The following SRGAP3 variants were observed in gnomAD, a reference collection of about 807,000 sequenced individuals.
SRGAP3 encodes SLIT-ROBO Rho GTPase-activating protein 3.
SRGAP3 carries 39 observed loss-of-function variants against 121.1 expected under a neutral mutation model. That is an observed-to-expected ratio of 0.32 (90% CI 0.25 to 0.42). SRGAP3 has a LOEUF of 0.42. Among genes scored for constraint, SRGAP3 ranks in the 10% least tolerant of loss-of-function variants. The pLI is 1.00. For synonymous variants in SRGAP3, 601 were observed against 570.0 expected (o/e 1.05, Z -0.77); for missense variants, 1,213 against 1,470.6 (o/e 0.82, Z 2.86).
chr3:9,008,818 T>C (rs1035583638), intron 18 of SRGAP3, among the ~76,000 whole-genome samples: 5 of 152,138 alleles, frequency 3.3e-5, no homozygotes, highest in African/African-American at 4.8e-5. Context: ...GACTGGATCA[T>C]GACTGGGTGC....
At position 8,993,051 on chromosome 3, in the gene SRGAP3, C is replaced by T; in HGVS notation, c.2413G>A (p.Asp805Asn). The change falls in exon 20 of 22, where the codon GAT becomes AAT. Residue 805 changes from aspartate to asparagine, a missense_variant. By Grantham distance (23) the Asp-to-Asn change is conservative. Around this residue, in one of 2 missense-constraint regions of SRGAP3, gnomAD observed 420 missense variants for 437.7 expected, o/e 0.96. Transcript: ENST00000383836. ...TGGCTCAGGCTGTCGGAGAAGGCAT[C>T]ATCCCTGGGGAGAAGACAGACATGA... ...HQYIVVQDMD[D>N]AFSDSLSQKA... 1 of 1,614,056 alleles carries T rather than the reference C, an allele frequency of 6.2e-7. No individual in the cohort carries two copies.
chr3:9,349,101 A>G, intron 1 of SRGAP3: 1 of 887,814 alleles, frequency 1.1e-6, no homozygotes, highest in Non-Finnish European at 1.9e-6. Flanking sequence ...GAATTGGACA[A>G]GAACTTGAAA....
intron 1 of SRGAP3, among the ~76,000 whole-genome samples, chr3:9,132,220 C>T (rs1351469799): frequency 6.6e-6 from 1 of 152,160 alleles, no homozygotes; most frequent in Non-Finnish European, 1.5e-5. Context: ...TGCATTCCAT[C>T]GTGCATTTAT....
At chr3:9,165,473 C>G (rs1028107304) in intron 1 of SRGAP3, among the ~76,000 whole-genome samples, 3 of 152,228 alleles carry the variant, frequency 2.0e-5, no homozygotes, top group African/African-American at 7.2e-5. Context: ...CTCAGACTTT[C>G]CGATTCCTTT....
At chr3:8,988,208 C>T (rs1234364709) in intron 21 of SRGAP3, among the ~76,000 whole-genome samples, 5 of 152,160 alleles carry the variant, frequency 3.3e-5, no homozygotes, top group Non-Finnish European at 5.9e-5. Flanking sequence ...CTCCCCAATT[C>T]GATCTTCCCA....
intron 1 of SRGAP3, among the ~76,000 whole-genome samples, chr3:9,230,806 G>C (rs1018141247): frequency 3.3e-5 from 5 of 151,218 alleles, no homozygotes; most frequent in Non-Finnish European, 5.9e-5. Flanking sequence ...TCAAGGCTGC[G>C]GTGAGTTATG....
intron 2 of SRGAP3, among the ~76,000 whole-genome samples, chr3:9,124,155 G>A (rs946427896): frequency 1.3e-5 from 2 of 152,126 alleles, no homozygotes. Context: ...CAGAGCTTGG[G>A]ATATGAGAAA....
chr3:9,194,321 G>A (rs981398698), intron 1 of SRGAP3: 1 of 152,020 alleles, frequency 6.6e-6, no homozygotes, highest in African/African-American at 2.4e-5. Context: ...TCATATTTCT[G>A]GGCCTCGATT....
At chr3:9,048,446 G>A (rs1270317502) in intron 9 of SRGAP3, among the ~76,000 whole-genome samples, 3 of 152,218 alleles carry the variant, frequency 2.0e-5, no homozygotes, top group African/African-American at 7.2e-5. Flanking sequence ...CTTACGTGGT[G>A]GGCTGGGGAG....
intron 1 of SRGAP3, among the ~76,000 whole-genome samples, chr3:9,156,205 G>T (rs919623604): frequency 6.6e-6 from 1 of 152,254 alleles, no homozygotes; most frequent in Non-Finnish European, 1.5e-5. Flanking sequence ...ATCATCAGAA[G>T]TGAGTTTGGG....
In SRGAP3 at chr3:9,316,386, C is replaced by T. The variant is rs553091479; in HGVS notation, n.442+9624G>A. ...AAAAAAAAAATTAATAGGCCAGGCGCGGTGGCTCACGCCTGTAATCCCAGC... is the reference window on the plus strand; with the variant it reads ...AAAAAAAAAATTAATAGGCCAGGCGTGGTGGCTCACGCCTGTAATCCCAGC... On this transcript the variant is annotated intron_variant and non_coding_transcript_variant, in intron 3 of 3. Coordinates refer to the SRGAP3 transcript ENST00000490889. Among the ~76,000 whole-genome samples the T allele has an allele frequency of 1.8e-3, 261 of 145,658 alleles. 1 individual carries two copies. The highest frequency in any genetic ancestry group is 3.5e-3 in the Middle Eastern group (1 of 288).
At chr3:9,285,694 G>A (rs780804041) in intron 3 of SRGAP3, among the ~76,000 whole-genome samples, 1 of 151,676 alleles carries the variant, frequency 6.6e-6, no homozygotes, top group Non-Finnish European at 1.5e-5. Flanking sequence ...TACTCAGGAA[G>A]CTGAGGCAGG....
At chr3:9,213,178 T>G (rs1396407749) in intron 1 of SRGAP3, among the ~76,000 whole-genome samples, 3 of 152,162 alleles carry the variant, frequency 2.0e-5, no homozygotes, top group Non-Finnish European at 2.9e-5. Context: ...ATGGAGTCTA[T>G]TCCCTGTTGG....
At position 9,029,294 on chromosome 3, in the gene SRGAP3, C is replaced by T. The variant is rs73811404; in HGVS notation, c.1540-2299G>A. On this transcript the variant is annotated intron_variant, in intron 12 of 21. Transcript: ENST00000383836. ...ACTCATGAAGTAGGTAATTGTCATG[C>T]TTATTTTACAGAAACAAGAAGAGGA... Among the ~76,000 whole-genome samples, 655 of 152,274 alleles carry T rather than the reference C, an allele frequency of 4.3e-3. 6 individuals are homozygous for T. The highest frequency in any genetic ancestry group is 0.015 in the African/African-American group (639 of 41,544).
At chr3:9,236,276 T>A (rs567185018) in intron 1 of SRGAP3, 1 of 173,870 alleles carries the variant, frequency 5.8e-6, no homozygotes, top group African/African-American at 2.4e-5. Flanking sequence ...CAGCTCTCCC[T>A]GGTAAAGTTG....
chr3:9,289,507 T>C (rs1223782622), intron 3 of SRGAP3, among the ~76,000 whole-genome samples: 1 of 152,208 alleles, frequency 6.6e-6, no homozygotes, highest in Non-Finnish European at 1.5e-5. Context: ...TAGTCTAACA[T>C]CACTTTGGTT....
intron 9 of SRGAP3, chr3:9,049,130 C>A (rs1225229771): frequency 1.1e-5 from 3 of 275,710 alleles, no homozygotes; most frequent in East Asian, 7.9e-5. Context: ...GGCTCAGACA[C>A]CCCCAAGTCA....
chr3:9,252,161 T>C (rs1052855299), upstream of SRGAP3, among the ~76,000 whole-genome samples: 1 of 152,196 alleles, frequency 6.6e-6, no homozygotes, highest in African/African-American at 2.4e-5. Context: ...ACCTCGCTCC[T>C]CTTCCTTGCT....
chr3:8,988,353 C>G (rs1941845780), intron 21 of SRGAP3, among the ~76,000 whole-genome samples: 2 of 152,202 alleles, frequency 1.3e-5, no homozygotes, highest in South Asian at 4.1e-4. Flanking sequence ...GCTGCCACTC[C>G]CCTTTGCAGC....
Sources: gnomAD v4.1 joint callset for allele counts (sites outside exome capture counted in the v4.1 genomes callset) on GRCh38, gnomAD v4.1.1 for gene constraint, gnomAD v4.1.1 regional missense constraint, MANE v1.5 for transcripts, NCBI Gene and HGNC (gene_info 2026-07-23, HGNC 2026-07-21) for gene names.